Variants in GSE1 observed in about 807,000 individuals in gnomAD.
The protein encoded by GSE1 is genetic suppressor element 1.
Under a neutral mutation model 112.6 loss-of-function variants are expected in GSE1, and 32 were observed. The ratio of observed to expected loss-of-function variants is 0.28; its 90% CI spans 0.21 to 0.38. GSE1 has a LOEUF of 0.38. GSE1 is among the 10% of genes least tolerant of loss of function. The pLI is 1.00. For synonymous variants in GSE1, 1,115 were observed against 735.6 expected (o/e 1.52, Z -8.35); for missense variants, 2,348 against 1,699.2 (o/e 1.38, Z -6.71).
intron 1 of GSE1, among the ~76,000 whole-genome samples, chr16:85,559,932 C>T (rs2045431863): frequency 6.6e-6 from 1 of 152,108 alleles, no homozygotes; most frequent in East Asian, 1.9e-4. Flanking sequence ...TTGTCTGGTC[C>T]TGGACAGAGA....
intron 2 of GSE1, among the ~76,000 whole-genome samples, chr16:85,415,329 C>T (rs2048678962): frequency 6.6e-6 from 1 of 152,158 alleles, no homozygotes; most frequent in African/African-American, 2.4e-5. Context: ...CTACAGAGGA[C>T]CTACAGCAGA....
chr16:85,542,713 C>T (rs534667948), intron 2 of GSE1, among the ~76,000 whole-genome samples: 5 of 152,304 alleles, frequency 3.3e-5, no homozygotes, highest in East Asian at 1.9e-4. Flanking sequence ...TCGTGAAGCC[C>T]GGGGGACTGT....
At chr16:85,514,421 T>C (rs2051852219) in intron 2 of GSE1, among the ~76,000 whole-genome samples, 1 of 113,388 alleles carries the variant, frequency 8.8e-6, no homozygotes, top group South Asian at 3.7e-4. Context: ...CCGCATGCTC[T>C]CGAGTCCCCC....
intron 1 of GSE1, among the ~76,000 whole-genome samples, chr16:85,335,027 G>A (rs985140217): frequency 6.6e-5 from 10 of 152,152 alleles, no homozygotes; most frequent in African/African-American, 1.7e-4. Flanking sequence ...CCTTCAGCTC[G>A]GATGCTATCT....
chr16:85,405,191 CT>C (rs1183310761), intron 2 of GSE1, among the ~76,000 whole-genome samples: 1 of 2,490 alleles, frequency 4.0e-4, no homozygotes, highest in African/African-American at 4.8e-4. Context: ...TCAGGGCCCC[CT>C]GGATAATCCT....
intron 2 of GSE1, among the ~76,000 whole-genome samples, chr16:85,389,334 C>T (rs2047778980): frequency 1.3e-5 from 2 of 152,046 alleles, no homozygotes; most frequent in Non-Finnish European, 2.9e-5. Flanking sequence ...GTGGCAGGCA[C>T]CTGTAATCCC....
intron 2 of GSE1, among the ~76,000 whole-genome samples, chr16:85,445,649 C>T (rs2049491182): frequency 6.6e-6 from 1 of 152,190 alleles, no homozygotes; most frequent in Non-Finnish European, 1.5e-5. Context: ...GGGTTTGGCA[C>T]TGTGTTAACG....
intron 2 of GSE1, among the ~76,000 whole-genome samples, chr16:85,530,491 G>A (rs1294456274): frequency 6.6e-6 from 1 of 152,174 alleles, no homozygotes; most frequent in Non-Finnish European, 1.5e-5. Context: ...TGGTGGGGGT[G>A]GAGGAGGCTG....
intron 2 of GSE1, among the ~76,000 whole-genome samples, chr16:85,394,188 G>C (rs1358259419): frequency 1.3e-5 from 2 of 152,262 alleles, no homozygotes; most frequent in South Asian, 2.1e-4. Context: ...TGAGGGGAGA[G>C]GCGGGGCTGG....
chr16:85,331,158 T>G (rs2151516329), intron 1 of GSE1, among the ~76,000 whole-genome samples: 1 of 150,622 alleles, frequency 6.6e-6, no homozygotes, highest in Non-Finnish European at 1.5e-5. Context: ...TATTATTTAT[T>G]TATTTATTTT....
chr16:85,624,729 G>C (rs2048957073), intron 1 of GSE1, among the ~76,000 whole-genome samples: 1 of 152,210 alleles, frequency 6.6e-6, no homozygotes. Flanking sequence ...CCACTGTGTG[G>C]AATAAACAGG....
chr16:85,224,833 CAAA>C (rs34148489), intron 1 of GSE1, among the ~76,000 whole-genome samples: 2 of 107,524 alleles, frequency 1.9e-5, no homozygotes, highest in African/African-American at 3.5e-5. Context: ...ACTAAAAATA[CAAA>C]AAAAAAAAAA....
intron 2 of GSE1, among the ~76,000 whole-genome samples, chr16:85,519,784 C>T (rs540398716): frequency 6.6e-6 from 1 of 152,182 alleles, no homozygotes; most frequent in African/African-American, 2.4e-5. Flanking sequence ...GTTGTCATCA[C>T]CACAACCAGC....
At chr16:85,343,197 A>G (rs1023609282) in intron 1 of GSE1, among the ~76,000 whole-genome samples, 3 of 152,190 alleles carry the variant, frequency 2.0e-5, no homozygotes, top group African/African-American at 4.8e-5. Flanking sequence ...ATGGGTGCAC[A>G]GGGCAACCTG....
chr16:85,170,224 G>C (rs551576653), exon 1 of GSE1: 3 of 985,450 alleles, frequency 3.0e-6, no homozygotes, highest in East Asian at 2.3e-4. Flanking sequence ...GGGGCGCGCG[G>C]AGGAGGAGGG....
chr16:85,661,846 C>T (rs2052461054), intron 9 of GSE1, 81 bp downstream of exon 9: 15 of 1,335,114 alleles, frequency 1.1e-5, no homozygotes, highest in Middle Eastern at 5.4e-4. Context: ...GCCACCTGCC[C>T]CTCTCCGTCC....
chr16:85,316,533 T>G (rs2045989455), intron 1 of GSE1, among the ~76,000 whole-genome samples: 1 of 152,158 alleles, frequency 6.6e-6, no homozygotes, highest in Non-Finnish European at 1.5e-5. Context: ...CTGAGGTCTC[T>G]CCCACTGGGG....
rs985328693 is a variant in GSE1, at chr16:85,469,812, A to G, written c.2464+112169A>G. 1.1e-4 allele frequency among the ~76,000 whole-genome samples: 16 copies of G among 152,324 alleles called. No individual in the cohort carries two copies. In the East Asian group the frequency reaches 2.9e-3, roughly 28 times the overall value. ...CTTGCAAAAATCCAGCCTTTTCCCC[A>G]GCAGCTGCTGAAGCGGGTCCCCTAA... On this transcript the variant is annotated intron_variant, in intron 2 of 2. Transcript: ENST00000637419.
chr16:85,180,830 G>A (rs1453428052), intron 1 of GSE1, among the ~76,000 whole-genome samples: 1 of 152,184 alleles, frequency 6.6e-6, no homozygotes, highest in Non-Finnish European at 1.5e-5. Context: ...TATCCGATGA[G>A]TTCTTAGGAT....
Sources: gnomAD v4.1 joint callset for allele counts (sites outside exome capture counted in the v4.1 genomes callset) on GRCh38, gnomAD v4.1.1 for gene constraint, MANE v1.5 for transcripts, NCBI Gene and HGNC (gene_info 2026-07-23, HGNC 2026-07-21) for gene names.